The following DOCK8 variants were observed in gnomAD, a reference collection of about 807,000 sequenced individuals.
The protein encoded by DOCK8 is dedicator of cytokinesis 8.
A neutral mutation model predicts 245.6 loss-of-function variants in DOCK8; 141 were observed. The observed-to-expected ratio is 0.57, with a 90% CI of 0.50 to 0.66. The LOEUF is 0.66. DOCK8 is among the 30% of genes least tolerant of loss of function. DOCK8 has a pLI of 0.00. For missense variants in DOCK8, 2,965 were observed against 2,603.4 expected, an observed-to-expected ratio of 1.14 and a Z score of -3.02; for synonymous variants, 1,168 against 970.2, an observed-to-expected ratio of 1.20 and a Z score of -3.79.
intron 46 of DOCK8, among the ~76,000 whole-genome samples, chr9:460,971 A>G (rs1260253437): frequency 1.3e-5 from 2 of 152,274 alleles, no homozygotes; most frequent in Non-Finnish European, 1.5e-5. Flanking sequence ...ATTGCGTGTT[A>G]GGTAACATAC....
At position 308,532 on chromosome 9, in the gene DOCK8, G is replaced by A. The variant is rs2049949919; in HGVS notation, c.529-3422G>A. ...AGCTAGATTTATAAAATTTAAACAA[G>A]TATATGATAAGATTCCTTGGTACAC... is the stretch of plus-strand genomic sequence containing the variant. On this transcript the variant is annotated intron_variant, in intron 5 of 47. Coordinates refer to ENST00000432829, the MANE Select transcript of DOCK8 (RefSeq NM_203447.4). Among the ~76,000 whole-genome samples the A allele has an allele frequency of 2.0e-5, 3 of 152,164 alleles. No individual in the cohort carries two copies. In the South Asian group the frequency reaches 6.2e-4, roughly 31 times the overall value.
intron 9 of DOCK8, among the ~76,000 whole-genome samples, chr9:328,666 C>T (rs1248667739): frequency 6.6e-6 from 1 of 151,784 alleles, no homozygotes; most frequent in Admixed American, 6.6e-5. Context: ...GTTACGTGTT[C>T]CCAAGTCCAG....
chr9:422,143 A>G lies in DOCK8; in HGVS notation c.4241+8A>G, dbSNP rs746065181. 12 of 1,613,416 alleles carry G rather than the reference A, an allele frequency of 7.4e-6. No individual in the cohort carries two copies. Among genetic ancestry groups the G allele is most frequent in the Non-Finnish European group, 1.0e-5 (12 of 1,179,556 alleles). ...TAATGAGAAGCTAGATAAGTGAGTCACTCGGCAACTTTCTGCTACTTTTAC... is the reference window on the plus strand; with the variant it reads ...TAATGAGAAGCTAGATAAGTGAGTCGCTCGGCAACTTTCTGCTACTTTTAC... On this transcript the variant is annotated splice_region_variant and intron_variant, in intron 33 of 47. Transcript: ENST00000432829.
intron 46 of DOCK8, among the ~76,000 whole-genome samples, chr9:453,880 C>T (rs944246314): frequency 5.9e-5 from 9 of 152,066 alleles, no homozygotes; most frequent in African/African-American, 2.2e-4. Context: ...GTTGACTATG[C>T]CCCAGGACCT....
chr9:265,431 T>C (rs2129844239), intron 1 of DOCK8, among the ~76,000 whole-genome samples: 1 of 152,326 alleles, frequency 6.6e-6, no homozygotes, highest in Admixed American at 6.5e-5. Flanking sequence ...TGTCTGTCAT[T>C]AATACGTATC....
At chr9:448,805 C>G (rs1024030061) in intron 44 of DOCK8, among the ~76,000 whole-genome samples, 14 of 152,226 alleles carry the variant, frequency 9.2e-5, no homozygotes, top group African/African-American at 3.4e-4. Flanking sequence ...AGGTCACATT[C>G]TGAGGTACTG....
intron 1 of DOCK8, among the ~76,000 whole-genome samples, chr9:233,670 T>C (rs2047175660): frequency 6.6e-6 from 1 of 152,214 alleles, no homozygotes; most frequent in East Asian, 1.9e-4. Flanking sequence ...TTTGTCTCTT[T>C]TGATCTTTGT....
Position 434,949 on chromosome 9 carries a change from C to G in DOCK8, c.5053C>G (p.Leu1685Val). Reference sequence around the variant, plus strand: ...GAGCATGCTGGAGGACCACAGCTACCTGCCCGTGGGCAGTGTCAGCTTCCA... The same window carrying G: ...GAGCATGCTGGAGGACCACAGCTACGTGCCCGTGGGCAGTGTCAGCTTCCA... ...YLSMLEDHSYLPVGSVSFQNI... is the reference protein window; with the variant it reads ...YLSMLEDHSYVPVGSVSFQNI... Residue 1685 changes from leucine (L) to valine (V), a missense_variant, in exon 39 of 48, where the codon CTG becomes GTG. By Grantham distance (32) the Leu-to-Val change is conservative. This residue lies in a region of DOCK8 where 2,825 missense variants were observed against 2,453.5 expected (regional missense o/e 1.15). Coordinates refer to ENST00000432829, the MANE Select transcript of DOCK8 (RefSeq NM_203447.4). 1 of 1,613,178 alleles carries G rather than the reference C, an allele frequency of 6.2e-7. No individual in the cohort carries two copies. Among genetic ancestry groups the G allele is most frequent in the Non-Finnish European group, 8.5e-7 (1 of 1,180,034 alleles).
intron 36 of DOCK8, 150 bp downstream of exon 36, chr9:430,004 C>G: frequency 1.1e-6 from 1 of 939,744 alleles, no homozygotes; most frequent in African/African-American, 1.6e-5. Flanking sequence ...AGATAGATAG[C>G]AGCTTCCATT....
intron 1 of DOCK8, among the ~76,000 whole-genome samples, chr9:234,656 A>G (rs548988847): frequency 9.2e-5 from 14 of 152,182 alleles, no homozygotes; most frequent in Admixed American, 6.5e-4. Flanking sequence ...TTCATCTTCC[A>G]TCACTGATAC....
intron 41 of DOCK8, 54 bp from the exon 42 acceptor site, chr9:441,821 G>T (rs2057103444): frequency 6.8e-7 from 1 of 1,471,352 alleles, no homozygotes; most frequent in Non-Finnish European, 9.4e-7. Context: ...TTGCAACTCA[G>T]TGGCTCCTCA....
At chr9:254,918 A>C (rs1010518511) in intron 1 of DOCK8, among the ~76,000 whole-genome samples, 1 of 152,194 alleles carries the variant, frequency 6.6e-6, no homozygotes, top group Non-Finnish European at 1.5e-5. Context: ...TCAGAATCTC[A>C]GGAGGGTGGC....
Position 406,960 on chromosome 9 carries a change from C to T in DOCK8, c.3421C>T (p.Gln1141Ter). ...AAGCTCCTGCTCCAGCTTCCAGGAC[C>T]AGAAGATCGCCAGCATGTTCGATCT... Reference protein sequence around the residue: ...NSSSCSSFQDQKIASMFDLTS... With the variant: ...NSSSCSSFQD The change falls in exon 28 of 48, where the codon CAG (glutamine) becomes TAG (stop). Residue 1141 changes from glutamine to a stop codon, truncating the protein, a stop_gained. Transcript: ENST00000432829. LOFTEE classifies it high-confidence loss of function. 1 of 1,614,106 alleles carries T rather than the reference C, an allele frequency of 6.2e-7. No individual in the cohort carries two copies. The highest frequency in any genetic ancestry group is 2.2e-5 in the East Asian group (1 of 44,882).
At chr9:461,367 A>G (rs1242482526) in intron 46 of DOCK8, among the ~76,000 whole-genome samples, 1 of 151,774 alleles carries the variant, frequency 6.6e-6, no homozygotes, top group Non-Finnish European at 1.5e-5. Flanking sequence ...GATCTTCCTT[A>G]TATCTCTATG....
chr9:279,885 G>C (rs994738314), intron 2 of DOCK8, among the ~76,000 whole-genome samples: 1 of 152,228 alleles, frequency 6.6e-6, no homozygotes, highest in African/African-American at 2.4e-5. Context: ...GCCAGGTCCT[G>C]TGTGACTGCA....
chr9:394,429 T>A (rs2054348869), intron 24 of DOCK8, among the ~76,000 whole-genome samples: 1 of 152,226 alleles, frequency 6.6e-6, no homozygotes. Flanking sequence ...CAAAACAGTT[T>A]TGTTTTGTTT....
At chr9:332,619 A>G (rs533239749) in intron 10 of DOCK8, 141 bp downstream of exon 10, 269 of 538,602 alleles carry the variant, frequency 5.0e-4, no homozygotes, top group Admixed American at 1.1e-3. Context: ...TAAATAAAAG[A>G]GGAAAAGAAA....
At chr9:397,112 A>C (rs1487407927) in intron 25 of DOCK8, among the ~76,000 whole-genome samples, 178 bp downstream of exon 25, 1 of 152,132 alleles carries the variant, frequency 6.6e-6, no homozygotes, top group East Asian at 1.9e-4. Context: ...AATTGTTATA[A>C]ACAAATTACA....
intron 29 of DOCK8, among the ~76,000 whole-genome samples, chr9:417,342 G>T (rs2056071104): frequency 6.6e-6 from 1 of 152,180 alleles, no homozygotes. Context: ...TTTAGTAGAA[G>T]AAATGTTATT....
Sources: allele counts gnomAD v4.1 joint callset (sites outside exome capture counted in the v4.1 genomes callset), GRCh38; gene constraint gnomAD v4.1.1; regional missense constraint gnomAD v4.1.1; transcripts MANE v1.5; gene names NCBI Gene and HGNC (gene_info 2026-07-23, HGNC 2026-07-21).